STRADB: variants seen among roughly 807,000 people sequenced by gnomAD.
The protein encoded by STRADB is STE20 related adaptor beta.
Under a neutral mutation model 52.1 loss-of-function variants are expected in STRADB, and 34 were observed. The observed-to-expected ratio is 0.65, with a 90% CI of 0.50 to 0.87. STRADB has a LOEUF of 0.87. STRADB is among the 40% of genes least tolerant of loss of function. The pLI, the probability that STRADB is intolerant of heterozygous loss-of-function variation, is 0.00. For synonymous variants in STRADB, 133 were observed against 174.5 expected (o/e 0.76, Z 1.87); for missense variants, 340 against 483.9 (o/e 0.70, Z 2.79).
At chr2:201,480,005 C>T in intron 11 of STRADB, 27 bp from the exon 12 acceptor site, 4 of 1,612,788 alleles carry the variant, frequency 2.5e-6, no homozygotes, top group Non-Finnish European at 3.4e-6. Context: ...GATATATCAA[C>T]AGCCTTATTT....
chr2:201,475,678 A>G lies in STRADB; in HGVS notation c.484A>G (p.Arg162Gly), dbSNP rs1952460489. ...FPEGMSETLI[R>G]NILFGAVRGL... ...TGAAGGAATGAGTGAAACTTTAATA[A>G]GAAACATTCTCTTTGGAGCCGTGAG... Residue 162 changes from arginine (R) to glycine (G), a missense_variant, in exon 7 of 12, where the codon AGA (arginine) becomes GGA (glycine). Arg to Gly is a moderately radical substitution (Grantham distance 125). Coordinates refer to ENST00000194530, the MANE Select transcript of STRADB (RefSeq NM_018571.6). 3 of 1,612,296 alleles carry G rather than the reference A, an allele frequency of 1.9e-6. No individual in the cohort carries two copies. The highest frequency in any genetic ancestry group is 2.5e-6 in the Non-Finnish European group (3 of 1,179,938).
intron 5 of STRADB, 141 bp from the exon 6 acceptor site, chr2:201,474,506 G>A (rs1323214764): frequency 3.3e-6 from 2 of 599,372 alleles, no homozygotes; most frequent in South Asian, 2.2e-5. Flanking sequence ...GAGTGGTTGT[G>A]AGATTTAAAT....
At chr2:201,464,301 T>C (rs371448024) in intron 3 of STRADB, among the ~76,000 whole-genome samples, 1 of 152,068 alleles carries the variant, frequency 6.6e-6, no homozygotes. Flanking sequence ...CTATCTGCAT[T>C]AGGGACCACT....
At chr2:201,452,858 A>C (rs1333110222) in intron 1 of STRADB, among the ~76,000 whole-genome samples, 1 of 152,246 alleles carries the variant, frequency 6.6e-6, no homozygotes, top group Non-Finnish European at 1.5e-5. Context: ...GAACAAACTG[A>C]AATTACTTAT....
At chr2:201,478,330 G>A (rs756911064) in intron 9 of STRADB, 27 bp from the exon 10 acceptor site, 83 of 1,610,282 alleles carry the variant, frequency 5.2e-5, no homozygotes, top group Admixed American at 8.4e-5. Context: ...CCTGAAAAGT[G>A]TTGAAGGAAA....
intron 7 of STRADB, among the ~76,000 whole-genome samples, chr2:201,476,727 C>T (rs1952478233): frequency 6.6e-6 from 1 of 151,098 alleles, no homozygotes; most frequent in African/African-American, 2.4e-5. Context: ...GTAATCCCAG[C>T]ACTTTGAGAG....
At chr2:201,476,191 A>T (rs760750949) in intron 7 of STRADB, among the ~76,000 whole-genome samples, 4 of 152,210 alleles carry the variant, frequency 2.6e-5, no homozygotes, top group Non-Finnish European at 5.9e-5. Flanking sequence ...ATCATCCTAA[A>T]TATCACTTCT....
chr2:201,472,252 A>T (rs1413333952), intron 4 of STRADB, among the ~76,000 whole-genome samples: 1 of 152,246 alleles, frequency 6.6e-6, no homozygotes, highest in African/African-American at 2.4e-5. Context: ...TCTCACTCGC[A>T]GATATTTGCC....
In STRADB at chr2:201,472,405, A is replaced by C. The variant is rs180955980; in HGVS notation, c.194-550A>C. Among the ~76,000 whole-genome samples, 328 of 152,332 alleles carry C rather than the reference A, an allele frequency of 2.2e-3. 3 individuals carry two copies. Among genetic ancestry groups the C allele is most frequent in the African/African-American group, 7.5e-3 (311 of 41,578 alleles). The stretch of plus-strand genomic sequence containing the variant: ...AAATAAATTGTGGTATAGCCATACA[A>C]TTGTTTATTGCTCAGCAATAGAAAT... On this transcript the variant is annotated intron_variant, in intron 4 of 11. Transcript: ENST00000194530.
chr2:201,454,918 A>C, intron 2 of STRADB, 66 bp downstream of exon 2: 1 of 1,444,638 alleles, frequency 6.9e-7, no homozygotes, highest in South Asian at 1.2e-5. Flanking sequence ...ATGCCAAGCC[A>C]TAATAAAAGG....
intron 3 of STRADB, 73 bp downstream of exon 3, chr2:201,458,937 G>A (rs1017368490): frequency 7.8e-5 from 106 of 1,351,986 alleles, no homozygotes; most frequent in Non-Finnish European, 1.0e-4. Flanking sequence ...CAAGGCAGGA[G>A]AATCACTTGA....
Position 201,473,026 on chromosome 2 carries a change from A to G in STRADB, c.265A>G (p.Lys89Glu), listed in dbSNP as rs776286549. ...TCCCACAGGAACACTGGTAACTATA[A>G]AAATTACAAATCTGGAAAACTGCAA... ...HTPTGTLVTI[K>E]ITNLENCNEE... The change falls in exon 5 of 12, where the codon AAA becomes GAA. Residue 89 changes from lysine to glutamate, a missense_variant. Physicochemically the swap from Lys to Glu is moderately conservative, Grantham distance 56. Transcript: ENST00000194530. 1.2e-6 allele frequency: 2 copies of G among 1,612,822 alleles called. No homozygotes were observed. The highest frequency in any genetic ancestry group is 1.7e-5 in the Admixed American group (1 of 59,738).
chr2:201,478,614 T>C lies in STRADB; in HGVS notation c.1070+13T>C. 6.2e-7 allele frequency: 1 copy of C among 1,610,394 alleles called. No individual in the cohort carries two copies. Among genetic ancestry groups the C allele is most frequent in the Non-Finnish European group, 8.5e-7 (1 of 1,178,532 alleles). On this transcript the variant is annotated intron_variant, in intron 10 of 11. Transcript: ENST00000194530. ...ATCCTGAGAAAAGGTAATATTGATC[T>C]CTTTTAAATAGCACAAAATGTACAT...
chr2:201,463,310 G>T (rs1351522556), intron 3 of STRADB, among the ~76,000 whole-genome samples: 4 of 135,280 alleles, frequency 3.0e-5, no homozygotes, highest in Admixed American at 8.0e-5. Context: ...CTCCAGCCTG[G>T]GTGACAGAGT....
intron 3 of STRADB, among the ~76,000 whole-genome samples, chr2:201,469,368 A>C (rs574680219): frequency 2.6e-5 from 4 of 151,890 alleles, no homozygotes; most frequent in Non-Finnish European, 5.9e-5. Context: ...CCTGACTCTC[A>C]CTCCAAAGCA....
At chr2:201,459,873 C>G (rs1171473985) in intron 3 of STRADB, among the ~76,000 whole-genome samples, 1 of 104,182 alleles carries the variant, frequency 9.6e-6, no homozygotes. Context: ...TTTTCTGCCT[C>G]TGAAATTCTT....
chr2:201,479,651 A>C (rs1218813906), intron 11 of STRADB, 120 bp downstream of exon 11: 2 of 998,462 alleles, frequency 2.0e-6, no homozygotes, highest in African/African-American at 3.3e-5. Flanking sequence ...CTTTGTTACA[A>C]AATAAAGTTA....
At chr2:201,473,157 T>C in intron 5 of STRADB, 81 bp downstream of exon 5, 3 of 1,225,532 alleles carry the variant, frequency 2.4e-6, no homozygotes, top group Non-Finnish European at 3.3e-6. Flanking sequence ...CAATTGTGAA[T>C]AGAAAATATA....
At chr2:201,475,509 C>A (rs1038538059) in intron 6 of STRADB, 110 bp from the exon 7 acceptor site, 3 of 1,351,852 alleles carry the variant, frequency 2.2e-6, no homozygotes, top group Non-Finnish European at 3.1e-6. Flanking sequence ...GGGTTAGACT[C>A]CAAAAAGTAA....
Sources: gnomAD v4.1 joint callset for allele counts (sites outside exome capture counted in the v4.1 genomes callset) on GRCh38, gnomAD v4.1.1 for gene constraint, MANE v1.5 for transcripts, NCBI Gene and HGNC (gene_info 2026-07-23, HGNC 2026-07-21) for gene names.